VIM: variants seen among roughly 807,000 people sequenced by gnomAD.
VIM encodes the protein epididymis secretory sperm binding protein.
In VIM, 18 loss-of-function variants were observed where a neutral mutation model predicts 50.3. That is an observed-to-expected ratio of 0.36 (90% CI 0.25 to 0.53). The LOEUF (loss-of-function observed/expected upper bound fraction) is 0.53, where lower values mean the gene tolerates loss of function less well. VIM is among the 20% of genes least tolerant of loss of function. The probability of loss-of-function intolerance (pLI) is 0.91; values close to 1 mark genes in which losing one functional copy is unlikely to be tolerated. For synonymous variants in VIM, 245 were observed against 248.5 expected, an observed-to-expected ratio of 0.99 and a Z score of 0.13; for missense variants, 551 against 614.7, an observed-to-expected ratio of 0.90 and a Z score of 1.10.
At chr10:17,230,895 C>T in intron 3 of VIM, 185 bp downstream of exon 3, 1 of 625,242 alleles carries the variant, frequency 1.6e-6, no homozygotes, top group Non-Finnish European at 2.7e-6. Flanking sequence ...TAATAAAACC[C>T]CTTGAGCGAT....
At chr10:17,231,418 A>G (rs892496756) in intron 3 of VIM, among the ~76,000 whole-genome samples, 1 of 152,212 alleles carries the variant, frequency 6.6e-6, no homozygotes. Flanking sequence ...GGGCTTCACT[A>G]TGGAATGTAG....
chr10:17,237,249 A>T lies in VIM; in HGVS notation c.1379A>T (p.Gln460Leu). 6.2e-7 allele frequency: 1 copy of T among 1,606,382 alleles called. No homozygotes were observed. Among genetic ancestry groups the T allele is most frequent in the African/African-American group, 1.3e-5 (1 of 74,956 alleles). Residue 460 changes from glutamine (Q) to leucine (L), a missense_variant, in exon 10 of 10, where the codon CAG becomes CTG. Transcript: ENST00000544301. Reference protein sequence around the residue: ...RDGQVINETSQHHDDLE With the variant: ...RDGQVINETSLHHDDLE ...AAACAGGTTATCAACGAAACTTCTC[A>T]GCATCACGATGACCTTGAATAAAAA...
Position 17,229,628 on chromosome 10 carries a change from G to C in VIM, c.206G>C (p.Arg69Pro), listed in dbSNP as rs928603903. 2 of 1,585,990 alleles carry C rather than the reference G, an allele frequency of 1.3e-6. No homozygotes were observed. The highest frequency in any genetic ancestry group is 1.8e-5 in the Admixed American group (1 of 56,488). Reference sequence around the variant, plus strand: ...TATGCCACGCGCTCCTCTGCCGTGCGCCTGCGGAGCAGCGTGCCCGGGGTG... The same window carrying C: ...TATGCCACGCGCTCCTCTGCCGTGCCCCTGCGGAGCAGCGTGCCCGGGGTG... Reference protein sequence around the residue: ...GVYATRSSAVRLRSSVPGVRL... With the variant: ...GVYATRSSAVPLRSSVPGVRL... The change falls in exon 2 of 10, where the codon CGC becomes CCC. Residue 69 changes from arginine to proline, a missense_variant. Physicochemically the swap from Arg to Pro is moderately radical, Grantham distance 103 (BLOSUM62 -2). Transcript: ENST00000544301.
In VIM at chr10:17,230,576, G is replaced by A. The variant is rs575653525; in HGVS notation, c.564-74G>A. The A allele has an allele frequency of 7.6e-5, 116 of 1,517,610 alleles. 1 individual carries two copies. In the South Asian group the frequency reaches 1.1e-3, roughly 15 times the overall value. The allele number at this position is 1,517,610 out of a possible 1,614,324, so 94.0% of individuals were successfully genotyped here. On this transcript the variant is annotated intron_variant, in intron 2 of 9. Transcript: ENST00000544301. The stretch of plus-strand genomic sequence containing the variant: ...TGCTCTGGAGGCGCAGAGCGAATAC[G>A]TGGTGTTTGGGTGTGGCCGCCCCGC...
chr10:17,231,613 G>C (rs981018849), intron 3 of VIM, among the ~76,000 whole-genome samples: 1 of 152,156 alleles, frequency 6.6e-6, no homozygotes, highest in African/African-American at 2.4e-5. Flanking sequence ...TGAGAAGTAG[G>C]TAATGTAAAA....
intron 3 of VIM, among the ~76,000 whole-genome samples, chr10:17,232,441 G>A (rs1051381686): frequency 4.6e-5 from 7 of 152,172 alleles, no homozygotes; most frequent in African/African-American, 1.7e-4. Flanking sequence ...TAGAAGGACG[G>A]CTGAATCAGC....
chr10:17,237,364 A>G lies in VIM; in HGVS notation c.*93A>G, dbSNP rs1846910875. ...AAACAGCTTTCAAGTGCCTTTCTGC[A>G]GTTTTTCAGGAGCGCAAGATAGATT... On this transcript the variant is annotated 3_prime_UTR_variant, in exon 10 of 10. Transcript: ENST00000544301. The G allele has an allele frequency of 3.1e-6, 4 of 1,280,870 alleles. No individual in the cohort carries two copies. The East Asian group carries it at 9.7e-5, about 31-fold the overall frequency. 79.3% of individuals were successfully genotyped at this position (1,280,870 alleles called of 1,614,324 possible).
In VIM at chr10:17,234,738, C is replaced by T; in HGVS notation, c.928C>T (p.Arg310Cys). 6.2e-6 allele frequency: 10 copies of T among 1,614,106 alleles called. No individual in the cohort carries two copies. Among genetic ancestry groups the T allele is most frequent in the Admixed American group, 1.7e-5 (1 of 60,016 alleles). Reference protein sequence around the residue: ...EAANRNNDALRQAKQESTEYR... With the variant: ...EAANRNNDALCQAKQESTEYR... Reference sequence around the variant, plus strand: ...TGCCAACCGGAACAATGACGCCCTGCGCCAGGCAAAGCAGGAGTCCACTGA... The same window carrying T: ...TGCCAACCGGAACAATGACGCCCTGTGCCAGGCAAAGCAGGAGTCCACTGA... The change falls in exon 6 of 10, where the codon CGC becomes TGC. Residue 310 changes from arginine (R) to cysteine (C), a missense_variant. Around this residue, in one of 3 missense-constraint regions of VIM, gnomAD observed 394 missense variants for 437.5 expected, o/e 0.90. Coordinates refer to ENST00000544301, the MANE Select transcript of VIM (RefSeq NM_003380.5).
Position 17,234,684 on chromosome 10 carries a change from T to TCC in VIM, c.883-7_883-6dup. 1 of 1,613,852 alleles carries TCC rather than the reference T, an allele frequency of 6.2e-7. No homozygotes were observed. Among genetic ancestry groups the TCC allele is most frequent in the Non-Finnish European group, 8.5e-7 (1 of 1,180,024 alleles). On this transcript the variant is annotated splice_polypyrimidine_tract_variant and intron_variant, in intron 5 of 9. Coordinates refer to ENST00000544301, the MANE Select transcript of VIM (RefSeq NM_003380.5). ...TGAGCAATCTACATTTCTGTTTTCT[T>TCC]CCCAACAGTTTGCTGACCTCTCTGA...
At chr10:17,235,913 G>GA (rs1285105555) in intron 8 of VIM, 24 bp downstream of exon 8, 7 of 1,608,194 alleles carry the variant, frequency 4.4e-6, no homozygotes, top group Non-Finnish European at 5.1e-6. Flanking sequence ...TTCCCTTTAG[G>GA]AAAAACGTCA....
chr10:17,230,794 G>A, intron 3 of VIM, 84 bp downstream of exon 3: 1 of 1,537,386 alleles, frequency 6.5e-7, no homozygotes, highest in Non-Finnish European at 9.0e-7. Context: ...CTTAACTCAC[G>A]TCTAAAAAGT....
chr10:17,230,589 G>A, intron 2 of VIM, 61 bp from the exon 3 acceptor site: 1 of 1,591,106 alleles, frequency 6.3e-7, no homozygotes, highest in Non-Finnish European at 8.6e-7. Flanking sequence ...GTGTTTGGGT[G>A]TGGCCGCCCC....
In VIM at chr10:17,230,562, C is replaced by A. The variant is rs538674897; in HGVS notation, c.564-88C>A. ...GGAGGTGGCGCAGCTGCTCTGGAGG[C>A]GCAGAGCGAATACGTGGTGTTTGGG... On this transcript the variant is annotated intron_variant, in intron 2 of 9. Coordinates refer to ENST00000544301, the MANE Select transcript of VIM (RefSeq NM_003380.5). The A allele has an allele frequency of 1.3e-5, 18 of 1,407,840 alleles. No individual in the cohort carries two copies. In the South Asian group the frequency reaches 1.5e-4, roughly 12 times the overall value. 87.2% of individuals were successfully genotyped at this position (1,407,840 alleles called of 1,614,324 possible).
chr10:17,229,020 A>C, intron 1 of VIM: 3 of 242,458 alleles, frequency 1.2e-5, no homozygotes, highest in South Asian at 5.4e-5. Flanking sequence ...CTTTTTCAGC[A>C]CCCCAGGGTG....
In VIM at chr10:17,235,264, G is replaced by C. The variant is rs781618375; in HGVS notation, c.1104G>C (p.Glu368Asp). Reference sequence around the variant, plus strand: ...ACACTATTGGCCGCCTGCAGGATGAGATTCAGAATATGAAGGAGGAAATGG... The same window carrying C: ...ACACTATTGGCCGCCTGCAGGATGACATTCAGAATATGAAGGAGGAAATGG... The part of the protein sequence containing the change: ...YQDTIGRLQD[E>D]IQNMKEEMAR... The change falls in exon 7 of 10, where the codon GAG becomes GAC. Residue 368 changes from glutamate (E) to aspartate (D), a missense_variant. Transcript: ENST00000544301. The C allele has an allele frequency of 1.2e-6, 2 of 1,614,240 alleles. No homozygotes were observed. Among genetic ancestry groups the C allele is most frequent in the Middle Eastern group, 1.6e-4 (1 of 6,062 alleles).
intron 3 of VIM, 138 bp downstream of exon 3, chr10:17,230,848 GA>G: frequency 1.1e-6 from 1 of 907,400 alleles, no homozygotes; most frequent in Non-Finnish European, 1.8e-6. Context: ...GTGGCGGGAA[GA>G]CCACAGGTTG....
rs932144102 is a variant in VIM, at chr10:17,228,297, A to C, written c.-375A>C. On this transcript the variant is annotated 5_prime_UTR_variant, in exon 1 of 10. Transcript: ENST00000544301. The stretch of plus-strand genomic sequence containing the variant: ...CTGCAGAAGTTTCTTGCTAACAAAA[A>C]GTCCGCACATTCGAGCAAAGACAGG... 2.6e-5 allele frequency: 4 copies of C among 152,176 alleles called. No individual in the cohort carries two copies. Among genetic ancestry groups the C allele is most frequent in the Non-Finnish European group, 4.4e-5 (3 of 68,038 alleles). 9.4% of individuals were successfully genotyped at this position (152,176 alleles called of 1,614,324 possible).
Position 17,230,942 on chromosome 10 carries a change from G to A in VIM, c.624+232G>A, listed in dbSNP as rs960339693. ...TTTTGAGACGGAGTCTTACTCTGTC[G>A]CCCAGGCTGGAGTGCAGTGGCGAGA... On this transcript the variant is annotated intron_variant, in intron 3 of 9. Transcript: ENST00000544301. 2.1e-5 allele frequency: 10 copies of A among 481,214 alleles called. No individual in the cohort carries two copies. In the Admixed American group the frequency reaches 2.4e-4, roughly 11 times the overall value. The allele number at this position is 481,214 out of a possible 1,614,324, so 29.8% of individuals were successfully genotyped here. A position where few individuals can be genotyped will look rare whatever the true frequency, so the allele number is the denominator to read the frequency against.
intron 5 of VIM, 129 bp downstream of exon 5, chr10:17,234,060 G>A: frequency 2.4e-6 from 3 of 1,242,880 alleles, no homozygotes; most frequent in Non-Finnish European, 3.4e-6. Context: ...TGCTCATATT[G>A]TGTTTGCCAC....
Sources: gnomAD v4.1 joint callset for allele counts (sites outside exome capture counted in the v4.1 genomes callset) on GRCh38, gnomAD v4.1.1 for gene constraint, gnomAD v4.1.1 regional missense constraint, MANE v1.5 for transcripts, NCBI Gene and HGNC (gene_info 2026-07-23, HGNC 2026-07-21) for gene names.